The following PRKD1 variants were observed in gnomAD, a reference collection of about 807,000 sequenced individuals.
The protein encoded by PRKD1 is serine/threonine-protein kinase D1.
A neutral mutation model predicts 95.9 loss-of-function variants in PRKD1; 63 were observed. The ratio of observed to expected loss-of-function variants is 0.66; its 90% CI spans 0.54 to 0.81. The LOEUF is 0.81. Among genes scored for constraint, PRKD1 ranks in the 30% least tolerant of loss-of-function variants. PRKD1 has a pLI of 0.00. For missense variants in PRKD1, 1,048 were observed against 1,165.3 expected (o/e 0.90, Z 1.47); for synonymous variants, 425 against 423.1 (o/e 1.00, Z -0.05).
intron 1 of PRKD1, among the ~76,000 whole-genome samples, chr14:29,739,968 T>C (rs1281559147): frequency 1.3e-5 from 2 of 152,216 alleles, no homozygotes; most frequent in East Asian, 1.9e-4. Context: ...TATTTTGTTG[T>C]ATATAATTTT....
chr14:29,737,093 C>T (rs1208708106), intron 1 of PRKD1, among the ~76,000 whole-genome samples: 3 of 151,660 alleles, frequency 2.0e-5, no homozygotes, highest in South Asian at 4.2e-4. Context: ...GAGGCCGAGG[C>T]GGGTGGATCA....
intron 1 of PRKD1, among the ~76,000 whole-genome samples, chr14:29,869,403 G>A (rs991237526): frequency 1.3e-5 from 2 of 150,638 alleles, no homozygotes; most frequent in African/African-American, 4.9e-5. Context: ...TCGCACCATT[G>A]TACCCCAGTC....
intron 1 of PRKD1, among the ~76,000 whole-genome samples, chr14:29,899,240 A>G (rs939139597): frequency 6.3e-4 from 96 of 152,314 alleles, no homozygotes; most frequent in African/African-American, 2.2e-3. Context: ...AAATTTCATG[A>G]AATCATTCAT....
intron 2 of PRKD1, among the ~76,000 whole-genome samples, chr14:29,680,558 T>A (rs6571319): frequency 0.52 from 78,968 of 152,098 alleles, 23,123 homozygotes; most frequent in African/African-American, 0.8. Context: ...TTGTTGGAGT[T>A]GTTTTAGGTT....
intron 1 of PRKD1, among the ~76,000 whole-genome samples, chr14:29,729,344 A>G (rs1352031057): frequency 2.6e-5 from 4 of 152,066 alleles, no homozygotes; most frequent in Admixed American, 2.0e-4. Flanking sequence ...TTCATATTCA[A>G]TATCTGTATA....
chr14:29,917,669 A>T (rs2139132526), intron 1 of PRKD1, among the ~76,000 whole-genome samples: 1 of 152,312 alleles, frequency 6.6e-6, no homozygotes, highest in African/African-American at 2.4e-5. Flanking sequence ...TAAAATGCTG[A>T]ATACCCTTTT....
At chr14:29,657,087 C>T (rs1055320409) in intron 4 of PRKD1, among the ~76,000 whole-genome samples, 1 of 152,108 alleles carries the variant, frequency 6.6e-6, no homozygotes, top group East Asian at 1.9e-4. Flanking sequence ...ATTCTTTGCT[C>T]ATTTTAGAAT....
intron 1 of PRKD1, among the ~76,000 whole-genome samples, chr14:29,910,751 T>C (rs2139445873): frequency 6.6e-6 from 1 of 152,312 alleles, no homozygotes; most frequent in Non-Finnish European, 1.5e-5. Context: ...GGATACACGA[T>C]TCCCCCTTTC....
At chr14:29,770,305 G>C (rs988941636) in intron 1 of PRKD1, among the ~76,000 whole-genome samples, 3 of 152,198 alleles carry the variant, frequency 2.0e-5, no homozygotes, top group African/African-American at 7.2e-5. Context: ...TGGAAGAACC[G>C]CTAGAAATGG....
intron 1 of PRKD1, among the ~76,000 whole-genome samples, chr14:29,748,815 G>C (rs1419253900): frequency 6.6e-6 from 1 of 152,138 alleles, no homozygotes; most frequent in Non-Finnish European, 1.5e-5. Context: ...TTAAAAGCCA[G>C]TACCTATCAC....
At chr14:29,888,199 G>A (rs4617740) in intron 1 of PRKD1, among the ~76,000 whole-genome samples, 3,153 of 152,190 alleles carry the variant, frequency 0.021, 54 homozygotes, top group East Asian at 0.061. Flanking sequence ...CAGCAACTTG[G>A]AGGCTAAGGT....
At chr14:29,860,413 C>T (rs1892667340) in intron 1 of PRKD1, among the ~76,000 whole-genome samples, 1 of 152,162 alleles carries the variant, frequency 6.6e-6, no homozygotes, top group African/African-American at 2.4e-5. Flanking sequence ...GGTGATATAT[C>T]TCCTAATGGT....
chr14:29,922,127 C>G (rs1250526256), intron 1 of PRKD1, among the ~76,000 whole-genome samples: 2 of 151,608 alleles, frequency 1.3e-5, no homozygotes, highest in Non-Finnish European at 2.9e-5. Context: ...CGGTGAAACC[C>G]CATCTCTACT....
intron 1 of PRKD1, among the ~76,000 whole-genome samples, chr14:29,926,435 T>C (rs1223187551): frequency 1.3e-5 from 2 of 152,074 alleles, no homozygotes; most frequent in African/African-American, 4.8e-5. Context: ...AAAATCCAAA[T>C]TGCTACTGTA....
chr14:29,672,065 C>T (rs975452517), intron 2 of PRKD1, among the ~76,000 whole-genome samples: 8 of 151,948 alleles, frequency 5.3e-5, no homozygotes, highest in African/African-American at 9.7e-5. Context: ...AACAATTGGC[C>T]GGCGTGGTGG....
At chr14:29,797,959 A>G (rs1248550688) in intron 1 of PRKD1, among the ~76,000 whole-genome samples, 1 of 152,236 alleles carries the variant, frequency 6.6e-6, no homozygotes, top group African/African-American at 2.4e-5. Flanking sequence ...CAGTAATTCA[A>G]TCAGCTACAA....
chr14:29,850,233 T>A (rs1801055471), intron 1 of PRKD1, among the ~76,000 whole-genome samples: 1 of 151,846 alleles, frequency 6.6e-6, no homozygotes, highest in South Asian at 2.1e-4. Flanking sequence ...ATAAAAGGCA[T>A]CAAAATAGAA....
rs1179735687 is a variant in PRKD1 at position 29,896,345 on chromosome 14, T to C, written c.264+30904A>G. Among the ~76,000 whole-genome samples, 4 of 147,404 alleles carry C rather than the reference T, an allele frequency of 2.7e-5. No individual in the cohort carries two copies. The East Asian group carries it at 8.0e-4, about 29-fold the overall frequency. ...TTTCCCAATTATAAGGTTTTTAAGG[T>C]TTCTACAGGCATGTGTGTGTACACA... On this transcript the variant is annotated intron_variant, in intron 1 of 17. Transcript: ENST00000331968.
At chr14:29,646,603 T>A (rs1881140784) in intron 4 of PRKD1, among the ~76,000 whole-genome samples, 1 of 151,728 alleles carries the variant, frequency 6.6e-6, no homozygotes, top group Non-Finnish European at 1.5e-5. Flanking sequence ...GTCCTATCAA[T>A]CTGCAAACTG....
Sources: gnomAD v4.1 joint callset for allele counts (sites outside exome capture counted in the v4.1 genomes callset) on GRCh38, gnomAD v4.1.1 for gene constraint, MANE v1.5 for transcripts, NCBI Gene and HGNC (gene_info 2026-07-23, HGNC 2026-07-21) for gene names.